Variants in B4GALNT3 observed in about 807,000 individuals in gnomAD.
The protein encoded by B4GALNT3 is beta-1,4-N-acetylgalactosaminyltransferase 3.
In B4GALNT3, 86 loss-of-function variants were observed where a neutral mutation model predicts 120.2. That is an observed-to-expected ratio of 0.72 (90% CI 0.60 to 0.86). The LOEUF (loss-of-function observed/expected upper bound fraction) is 0.86, where lower values mean the gene tolerates loss of function less well. Among genes scored for constraint, B4GALNT3 ranks in the 40% least tolerant of loss-of-function variants. The pLI, the probability that B4GALNT3 is intolerant of heterozygous loss-of-function variation, is 0.00. For missense variants in B4GALNT3, 1,167 were observed against 1,298.9 expected, an observed-to-expected ratio of 0.90 and a Z score of 1.56; for synonymous variants, 518 against 510.4, an observed-to-expected ratio of 1.01 and a Z score of -0.20.
intron 1 of B4GALNT3, among the ~76,000 whole-genome samples, chr12:490,598 CT>C (rs1946331597): frequency 6.6e-6 from 1 of 152,054 alleles, no homozygotes; most frequent in East Asian, 1.9e-4. Flanking sequence ...GGCATAGTGG[CT>C]TGTGCCTATA....
intron 6 of B4GALNT3, among the ~76,000 whole-genome samples, chr12:546,250 A>G (rs1237455708): frequency 5.6e-5 from 5 of 89,504 alleles, no homozygotes; most frequent in Admixed American, 1.3e-4. Flanking sequence ...AGGTGGGGAG[A>G]GGAGTAAGGA....
At chr12:512,574 C>G (rs1946597765) in intron 1 of B4GALNT3, among the ~76,000 whole-genome samples, 1 of 142,098 alleles carries the variant, frequency 7.0e-6, no homozygotes, top group African/African-American at 2.7e-5. Flanking sequence ...TTCCACCTTC[C>G]ACCTTCTTCC....
At chr12:492,602 A>T (rs1946353273) in intron 1 of B4GALNT3, among the ~76,000 whole-genome samples, 1 of 152,242 alleles carries the variant, frequency 6.6e-6, no homozygotes, top group Non-Finnish European at 1.5e-5. Context: ...TTTTGTGAAT[A>T]TTGGCAAACT....
At chr12:543,602 G>A (rs1946948629) in intron 3 of B4GALNT3, among the ~76,000 whole-genome samples, 1 of 108,954 alleles carries the variant, frequency 9.2e-6, no homozygotes, top group Non-Finnish European at 1.9e-5. Context: ...TCCTCCTGGA[G>A]CTGAGGAGCT....
Position 559,379 on chromosome 12 carries a change from TC to T in B4GALNT3, c.2848del (p.Arg950GlufsTer46). On this transcript the variant is annotated frameshift_variant, in exon 19 of 20. Transcript: ENST00000266383. LOFTEE classifies it high-confidence loss of function. ...DRIGGMNTKEFRDRWGGEDWE... is the reference protein window; with the variant it reads ...DRIGGMNTKEXRDRWGGEDWE... ...ATTGGGGGCATGAACACCAAGGAGT[TC>T]CGAGACCGCTGGGGCGGGGAAGACT... The T allele has an allele frequency of 6.2e-7, 1 of 1,613,954 alleles. No individual in the cohort carries two copies. Among genetic ancestry groups the T allele is most frequent in the Non-Finnish European group, 8.5e-7 (1 of 1,179,924 alleles).
At chr12:479,716 C>T (rs1030718661) in intron 1 of B4GALNT3, among the ~76,000 whole-genome samples, 2 of 152,062 alleles carry the variant, frequency 1.3e-5, no homozygotes, top group African/African-American at 2.4e-5. Context: ...AGCAGGAGGA[C>T]GGCAGAAGCC....
chr12:554,944 G>T (rs537021748), intron 14 of B4GALNT3, among the ~76,000 whole-genome samples: 2 of 152,034 alleles, frequency 1.3e-5, no homozygotes, highest in African/African-American at 2.4e-5. Flanking sequence ...TTGGGAGACC[G>T]GGGTAGGTGG....
intron 1 of B4GALNT3, among the ~76,000 whole-genome samples, chr12:479,528 T>A (rs183853339): frequency 5.9e-5 from 9 of 152,160 alleles, no homozygotes; most frequent in Non-Finnish European, 1.2e-4. Flanking sequence ...CAAAGTGAAG[T>A]CAGGGAAATA....
chr12:513,242 G>T (rs1399091764), intron 1 of B4GALNT3, among the ~76,000 whole-genome samples: 3 of 150,964 alleles, frequency 2.0e-5, no homozygotes, highest in Admixed American at 1.3e-4. Context: ...TGCCAACAAA[G>T]AACAAAGAAT....
rs1352429012 is a variant in B4GALNT3 at position 553,346 on chromosome 12, C to T, written c.1423C>T (p.Leu475=). The T allele has an allele frequency of 6.2e-7, 1 of 1,613,818 alleles. No individual in the cohort carries two copies. Among genetic ancestry groups the T allele is most frequent in the Non-Finnish European group, 8.5e-7 (1 of 1,180,052 alleles). ...TGCCACTGACTACCGCCTCCGAAGC[C>T]TGCGGAAACTCCTGGCTCAGCCCCG... ...QDATDYRLRS[L]RKLLAQPREG... The change falls in exon 14 of 20, where the codon CTG becomes TTG. Residue 475 remains leucine, a synonymous_variant. Transcript: ENST00000266383.
At chr12:498,074 C>T (rs1946405072) in intron 1 of B4GALNT3, among the ~76,000 whole-genome samples, 1 of 152,106 alleles carries the variant, frequency 6.6e-6, no homozygotes, top group Admixed American at 6.6e-5. Context: ...CAGTTTTATA[C>T]ACACACGCCC....
chr12:514,210 T>C (rs1446942569), intron 1 of B4GALNT3, among the ~76,000 whole-genome samples: 47 of 151,218 alleles, frequency 3.1e-4, no homozygotes, highest in African/African-American at 1.1e-3. Flanking sequence ...TTTTTTTTTT[T>C]TTTTTGAGAC....
chr12:493,481 G>A (rs1314860334), intron 1 of B4GALNT3, among the ~76,000 whole-genome samples: 1 of 152,146 alleles, frequency 6.6e-6, no homozygotes, highest in African/African-American at 2.4e-5. Context: ...ATGCAAAATG[G>A]TACAGCCACT....
intron 1 of B4GALNT3, among the ~76,000 whole-genome samples, chr12:527,080 TTTTTG>T (rs753971217): frequency 2.6e-4 from 40 of 152,068 alleles, no homozygotes; most frequent in Non-Finnish European, 1.2e-4. Context: ...CCCAGCTAGT[TTTTTG>T]TTTTGTTTTG....
chr12:504,808 C>T (rs1946480662), intron 1 of B4GALNT3, among the ~76,000 whole-genome samples: 1 of 152,058 alleles, frequency 6.6e-6, no homozygotes, highest in South Asian at 2.1e-4. Context: ...CCTTAATTCC[C>T]TTAACCCTTC....
chr12:522,190 G>A (rs1020843393), intron 1 of B4GALNT3, among the ~76,000 whole-genome samples: 2 of 152,144 alleles, frequency 1.3e-5, no homozygotes, highest in African/African-American at 2.4e-5. Flanking sequence ...TGGCAAGCAA[G>A]GGCTCTGAGA....
At chr12:522,055 C>G (rs1946715962) in intron 1 of B4GALNT3, among the ~76,000 whole-genome samples, 1 of 152,102 alleles carries the variant, frequency 6.6e-6, no homozygotes, top group East Asian at 1.9e-4. Context: ...CCAAGGCTTC[C>G]CAGACTTTCT....
chr12:556,970 G>A (rs994505109), intron 15 of B4GALNT3, 104 bp downstream of exon 15: 16 of 1,202,518 alleles, frequency 1.3e-5, no homozygotes, highest in Non-Finnish European at 1.6e-5. Context: ...GCACTTCTGA[G>A]AAAGACCACC....
At chr12:509,930 C>T (rs1174245609) in intron 1 of B4GALNT3, among the ~76,000 whole-genome samples, 1 of 152,204 alleles carries the variant, frequency 6.6e-6, no homozygotes, top group Non-Finnish European at 1.5e-5. Context: ...TGCTGCATTT[C>T]ACTAAAATTA....
Sources: gnomAD v4.1 joint callset for allele counts (sites outside exome capture counted in the v4.1 genomes callset) on GRCh38, gnomAD v4.1.1 for gene constraint, MANE v1.5 for transcripts, NCBI Gene and HGNC (gene_info 2026-07-23, HGNC 2026-07-21) for gene names.